TTLL5: variants seen among roughly 807,000 people sequenced by gnomAD.
TTLL5 encodes the protein tubulin tyrosine ligase like 5, also known as tubulin polyglutamylase TTLL5.
Under a neutral mutation model 168.4 loss-of-function variants are expected in TTLL5, and 132 were observed. The ratio of observed to expected loss-of-function variants is 0.78; its 90% CI spans 0.68 to 0.91. TTLL5 has a LOEUF of 0.91. TTLL5 is among the 40% of genes least tolerant of loss of function. The probability of loss-of-function intolerance (pLI) is 0.00; values close to 1 mark genes in which losing one functional copy is unlikely to be tolerated. For missense variants in TTLL5, 1,545 were observed against 1,581.5 expected (o/e 0.98, Z 0.39); for synonymous variants, 546 against 558.6 (o/e 0.98, Z 0.32).
At chr14:75,911,120 C>T (rs918930928) in intron 31 of TTLL5, among the ~76,000 whole-genome samples, 1 of 152,188 alleles carries the variant, frequency 6.6e-6, no homozygotes, top group Admixed American at 6.5e-5. Flanking sequence ...TTCCGCCTCC[C>T]AGGTCCAAAC....
intron 31 of TTLL5, among the ~76,000 whole-genome samples, chr14:75,928,073 T>C (rs1432030191): frequency 2.0e-5 from 3 of 151,988 alleles, no homozygotes; most frequent in Non-Finnish European, 4.4e-5. Flanking sequence ...GGGATGCTCT[T>C]GGTGTTCGTT....
At chr14:75,866,438 A>G (rs8020816) in intron 29 of TTLL5, among the ~76,000 whole-genome samples, 134,861 of 152,086 alleles carry the variant, frequency 0.89, 59,898 homozygotes, top group South Asian at 0.92. Flanking sequence ...TGAAAGCAGT[A>G]GATAGAATTG....
chr14:75,757,374 A>G (rs1369756739), intron 18 of TTLL5, among the ~76,000 whole-genome samples: 2 of 152,130 alleles, frequency 1.3e-5, no homozygotes, highest in Non-Finnish European at 2.9e-5. Flanking sequence ...TTTTCCTAAA[A>G]CAGTTCAGTG....
chr14:75,945,687 T>C (rs371030545), intron 31 of TTLL5, among the ~76,000 whole-genome samples: 2 of 152,168 alleles, frequency 1.3e-5, no homozygotes, highest in African/African-American at 2.4e-5. Context: ...AAATATCTAA[T>C]TGGAGCTCTG....
chr14:75,663,201 G>A lies in TTLL5; in HGVS notation c.52G>A (p.Asp18Asn), dbSNP rs1337606986. The A allele has an allele frequency of 6.2e-7, 1 of 1,613,306 alleles. No individual in the cohort carries two copies. The highest frequency in any genetic ancestry group is 2.2e-5 in the East Asian group (1 of 44,890). Residue 18 changes from aspartate (D) to asparagine (N), a missense_variant, in exon 2 of 32, where the codon GAT becomes AAT. Coordinates refer to ENST00000298832, the MANE Select transcript of TTLL5 (RefSeq NM_015072.5). ...GGAGGAAACAGCATCATCCTCAGAG[G>A]ATGAGGAGGTCATAAGTCAAGAGTA... ...DLEETASSSE[D>N]EEVISQEDHP...
intron 31 of TTLL5, among the ~76,000 whole-genome samples, chr14:75,950,137 A>T (rs1458047811): frequency 1.3e-5 from 2 of 152,240 alleles, no homozygotes; most frequent in Non-Finnish European, 2.9e-5. Flanking sequence ...TATAGGAAAT[A>T]ACTTACGACC....
At chr14:75,811,078 G>A (rs1341433383) in intron 27 of TTLL5, among the ~76,000 whole-genome samples, 1 of 126,280 alleles carries the variant, frequency 7.9e-6, no homozygotes, top group Non-Finnish European at 1.6e-5. Flanking sequence ...CTCAACTGGT[G>A]AAACTAGCTG....
At chr14:75,918,583 C>T (rs985914643) in intron 31 of TTLL5, among the ~76,000 whole-genome samples, 3 of 151,894 alleles carry the variant, frequency 2.0e-5, no homozygotes, top group Non-Finnish European at 2.9e-5. Context: ...TTTAAAAGGT[C>T]ACCGTAAATG....
rs1423831449 is a variant in TTLL5, at chr14:75,677,430, C to G, written c.182-4115C>G. On this transcript the variant is annotated intron_variant, in intron 3 of 31. Coordinates refer to ENST00000298832, the MANE Select transcript of TTLL5 (RefSeq NM_015072.5). ...TTTTTTTTTGAGACAGGGTCTCACC[C>G]TGTCACTCAGGCTGGAGTGCAGTGG... is the stretch of plus-strand genomic sequence containing the variant. 2.2e-5 allele frequency among the ~76,000 whole-genome samples: 3 copies of G among 133,854 alleles called. No individual in the cohort carries two copies. In the East Asian group the frequency reaches 6.5e-4, roughly 29 times the overall value. 87.8% of individuals were successfully genotyped at this position (133,854 alleles called of 152,430 possible). A position where few individuals can be genotyped will look rare whatever the true frequency, so the allele number is the denominator to read the frequency against.
In TTLL5 at chr14:75,882,799, C is replaced by A; in HGVS notation, c.3637C>A (p.Gln1213Lys). 6.2e-7 allele frequency: 1 copy of A among 1,614,078 alleles called. No homozygotes were observed. The highest frequency in any genetic ancestry group is 8.5e-7 in the Non-Finnish European group (1 of 1,180,008). The change falls in exon 30 of 32, where the codon CAA (glutamine) becomes AAA (lysine). Residue 1213 changes from glutamine (Q) to lysine (K), a missense_variant. By Grantham distance (53) the Gln-to-Lys change is moderately conservative (BLOSUM62 1). Transcript: ENST00000298832. ...ASGQKPTTLP[Q>K]KVVPPPSSCA... Reference sequence around the variant, plus strand: ...TGGCCAGAAGCCAACCACTCTGCCACAAAAAGTGGTACCACCTCCAAGTTC... The same window carrying A: ...TGGCCAGAAGCCAACCACTCTGCCAAAAAAAGTGGTACCACCTCCAAGTTC...
chr14:75,763,065 G>C (rs868709727), intron 18 of TTLL5, among the ~76,000 whole-genome samples: 3 of 151,954 alleles, frequency 2.0e-5, no homozygotes, highest in South Asian at 4.2e-4. Flanking sequence ...TAATGATGTC[G>C]GTGTTAAGCT....
chr14:75,733,477 G>A (rs982346658), intron 13 of TTLL5, among the ~76,000 whole-genome samples: 14 of 150,818 alleles, frequency 9.3e-5, no homozygotes, highest in East Asian at 7.7e-4. Context: ...TTTTTTTGCC[G>A]TATTTGCAAG....
intron 18 of TTLL5, among the ~76,000 whole-genome samples, chr14:75,761,750 T>C (rs949366488): frequency 2.0e-5 from 3 of 151,994 alleles, no homozygotes; most frequent in Non-Finnish European, 4.4e-5. Context: ...ATATTAAGAG[T>C]TTAGGTTATA....
At chr14:75,785,579 C>T (rs1196843779) in intron 26 of TTLL5, among the ~76,000 whole-genome samples, 6 of 152,184 alleles carry the variant, frequency 3.9e-5, no homozygotes, top group Admixed American at 3.9e-4. Context: ...CTTCATTCTT[C>T]TGCATGTGGA....
intron 24 of TTLL5, among the ~76,000 whole-genome samples, chr14:75,780,059 A>C (rs1255632588): frequency 6.6e-6 from 1 of 152,212 alleles, no homozygotes. Context: ...TACAGATGAG[A>C]AAATAAGCTA....
intron 31 of TTLL5, among the ~76,000 whole-genome samples, chr14:75,944,796 A>G (rs2034717454): frequency 6.6e-6 from 1 of 152,194 alleles, no homozygotes; most frequent in Non-Finnish European, 1.5e-5. Context: ...ACCTGAAACT[A>G]GTGATTAGTA....
intron 30 of TTLL5, among the ~76,000 whole-genome samples, chr14:75,892,498 C>A (rs1396030890): frequency 6.6e-6 from 1 of 152,172 alleles, no homozygotes; most frequent in Admixed American, 6.5e-5. Flanking sequence ...ACAGTTTCCC[C>A]CCCAGGAGAC....
chr14:75,821,866 T>C (rs1032781295), intron 28 of TTLL5, among the ~76,000 whole-genome samples: 1 of 152,160 alleles, frequency 6.6e-6, no homozygotes, highest in Admixed American at 6.5e-5. Flanking sequence ...GTCTTTTCCT[T>C]TTCTTTTTAC....
chr14:75,823,398 T>G (rs578052320), intron 28 of TTLL5, among the ~76,000 whole-genome samples: 1 of 152,242 alleles, frequency 6.6e-6, no homozygotes, highest in South Asian at 2.1e-4. Context: ...GGGTTCTTAG[T>G]GCGTTTTTCT....
Sources: allele counts gnomAD v4.1 joint callset (sites outside exome capture counted in the v4.1 genomes callset), GRCh38; gene constraint gnomAD v4.1.1; transcripts MANE v1.5; gene names NCBI Gene and HGNC (gene_info 2026-07-23, HGNC 2026-07-21).